The following CSNK1G1 variants were observed in gnomAD, a reference collection of about 807,000 sequenced individuals.
CSNK1G1 encodes casein kinase I isoform gamma-1.
In CSNK1G1, 22 loss-of-function variants were observed where a neutral mutation model predicts 59.6. The ratio of observed to expected loss-of-function variants is 0.37; its 90% confidence interval spans 0.26 to 0.53. The LOEUF (loss-of-function observed/expected upper bound fraction) is 0.53, where lower values mean the gene tolerates loss of function less well. Among genes scored for constraint, CSNK1G1 ranks in the 20% least tolerant of loss-of-function variants. CSNK1G1 has a pLI of 0.89. For missense variants in CSNK1G1, 384 were observed against 519.5 expected (o/e 0.74, Z 2.54); for synonymous variants, 179 against 177.1 (o/e 1.01, Z -0.08).
chr15:64,195,057 G>T (rs149560411), intron 10 of CSNK1G1: 1 of 152,158 alleles, frequency 6.6e-6, no homozygotes, highest in African/African-American at 2.4e-5. Context: ...TCAAATTGGA[G>T]AATTTGCAAG....
intron 1 of CSNK1G1, chr15:64,315,718 G>A (rs1402429768): frequency 1.3e-5 from 2 of 152,088 alleles, no homozygotes; most frequent in Non-Finnish European, 2.9e-5. Context: ...CATTCCCACT[G>A]AGCCAAAAGT....
chr15:64,185,623 C>T (rs957086670), intron 10 of CSNK1G1, among the ~76,000 whole-genome samples: 2 of 151,908 alleles, frequency 1.3e-5, no homozygotes, highest in African/African-American at 2.4e-5. Context: ...CAGGACTTTG[C>T]GAGGCCAAGG....
intron 2 of CSNK1G1, among the ~76,000 whole-genome samples, chr15:64,297,041 C>A (rs1895063280): frequency 7.0e-6 from 1 of 143,002 alleles, no homozygotes; most frequent in Non-Finnish European, 1.5e-5. Context: ...GCTTTATTTT[C>A]CCCCCTCTTC....
chr15:64,266,138 A>T (rs1430657465), intron 2 of CSNK1G1, among the ~76,000 whole-genome samples: 3 of 152,056 alleles, frequency 2.0e-5, no homozygotes, highest in Non-Finnish European at 2.9e-5. Flanking sequence ...TCTCGGCTCA[A>T]TGCAAACTCT....
chr15:64,278,954 G>A (rs1893967890), intron 2 of CSNK1G1, among the ~76,000 whole-genome samples: 1 of 152,018 alleles, frequency 6.6e-6, no homozygotes. Context: ...TTCCTAAAGG[G>A]TCTGGCACAT....
At chr15:64,321,691 CAATT>C (rs1896574057) in intron 1 of CSNK1G1, among the ~76,000 whole-genome samples, 1 of 152,206 alleles carries the variant, frequency 6.6e-6, no homozygotes, top group African/African-American at 2.4e-5. Context: ...ATATTGTACT[CAATT>C]AAGGAAGCCA....
chr15:64,205,388 G>A (rs562608707), intron 7 of CSNK1G1, among the ~76,000 whole-genome samples: 1 of 152,276 alleles, frequency 6.6e-6, no homozygotes, highest in African/African-American at 2.4e-5. Flanking sequence ...CACATATATT[G>A]AGACTTTGAA....
intron 10 of CSNK1G1, among the ~76,000 whole-genome samples, chr15:64,199,802 G>A (rs1008234372): frequency 6.6e-5 from 10 of 151,634 alleles, no homozygotes; most frequent in South Asian, 2.1e-4. Context: ...GCAGTGACGC[G>A]AGATCGCGCC....
rs8023971 is a variant in CSNK1G1 at position 64,198,097 on chromosome 15, G to T, written c.1107+4985C>A. ...AATTTGCAACTTGGGATGCTTATCT[G>T]TTCTGCCTTGTGTTATAGTTATCTG... On this transcript the variant is annotated intron_variant, in intron 10 of 11. Coordinates refer to ENST00000303052, the MANE Select transcript of CSNK1G1 (RefSeq NM_022048.5). Among the ~76,000 whole-genome samples, 1,251 of 149,928 alleles carry T rather than the reference G, an allele frequency of 8.3e-3. 17 individuals carry two copies. The highest frequency in any genetic ancestry group is 0.029 in the African/African-American group (1,173 of 40,604).
intron 4 of CSNK1G1, among the ~76,000 whole-genome samples, chr15:64,241,853 T>C (rs933909708): frequency 6.3e-5 from 9 of 142,478 alleles, no homozygotes; most frequent in African/African-American, 2.3e-4. Context: ...AGAGAAATAA[T>C]AAAGAGCAGA....
intron 1 of CSNK1G1, among the ~76,000 whole-genome samples, chr15:64,303,461 A>G (rs1405701838): frequency 6.6e-6 from 1 of 151,830 alleles, no homozygotes; most frequent in East Asian, 1.9e-4. Context: ...CAAAAAATTT[A>G]AAAATTAGGG....
intron 1 of CSNK1G1, among the ~76,000 whole-genome samples, chr15:64,314,520 T>C (rs932787530): frequency 1.3e-5 from 2 of 151,678 alleles, no homozygotes; most frequent in Non-Finnish European, 2.9e-5. Context: ...TCTCAGCAAT[T>C]TTAAAATGTA....
At chr15:64,247,778 G>A (rs1891835183) in intron 4 of CSNK1G1, among the ~76,000 whole-genome samples, 1 of 152,130 alleles carries the variant, frequency 6.6e-6, no homozygotes, top group Admixed American at 6.5e-5. Flanking sequence ...TGAAGAAAAT[G>A]GTCATAGTCC....
At chr15:64,268,418 A>G (rs2140344389) in intron 2 of CSNK1G1, among the ~76,000 whole-genome samples, 1 of 152,332 alleles carries the variant, frequency 6.6e-6, no homozygotes, top group South Asian at 2.1e-4. Context: ...TAGTAGAATG[A>G]CTATAGCTAA....
At chr15:64,227,657 G>A (rs371303740) in intron 4 of CSNK1G1, among the ~76,000 whole-genome samples, 7 of 152,066 alleles carry the variant, frequency 4.6e-5, no homozygotes, top group South Asian at 2.1e-4. Context: ...GGAAATACAC[G>A]GTCTTTTCTT....
intron 1 of CSNK1G1, among the ~76,000 whole-genome samples, chr15:64,325,391 T>C (rs977560835): frequency 2.6e-5 from 4 of 152,196 alleles, no homozygotes; most frequent in African/African-American, 9.6e-5. Flanking sequence ...GGAGAAGGTA[T>C]ACAGGTGGTG....
At chr15:64,320,678 C>CAAAAAAAAAAAAAAAA (rs1031206646) in intron 1 of CSNK1G1, among the ~76,000 whole-genome samples, 10 of 42,886 alleles carry the variant, frequency 2.3e-4, no homozygotes, top group East Asian at 6.3e-4. Context: ...GGCTCCATCA[C>CAAAAAAAAAAAAAAAA]AAAAAAAAAA....
intron 1 of CSNK1G1, among the ~76,000 whole-genome samples, chr15:64,322,850 A>T (rs1015697093): frequency 3.9e-5 from 6 of 152,148 alleles, no homozygotes; most frequent in Admixed American, 3.9e-4. Flanking sequence ...AAATAAAGTC[A>T]GTTATTATAA....
intron 1 of CSNK1G1, among the ~76,000 whole-genome samples, chr15:64,337,099 G>C (rs1897426254): frequency 6.6e-6 from 1 of 151,958 alleles, no homozygotes; most frequent in African/African-American, 2.4e-5. Context: ...GCAGTGGCAG[G>C]CACCTGTAAT....
Sources: allele counts gnomAD v4.1 joint callset (sites outside exome capture counted in the v4.1 genomes callset), GRCh38; gene constraint gnomAD v4.1.1; transcripts MANE v1.5; gene names NCBI Gene and HGNC (gene_info 2026-07-23, HGNC 2026-07-21).